PREP: variants seen among roughly 807,000 people sequenced by gnomAD.
PREP encodes prolyl endopeptidase, also known as dJ355L5.1 (prolyl endopeptidase).
PREP carries 29 observed loss-of-function variants against 87.6 expected under a neutral mutation model. The ratio of observed to expected loss-of-function variants is 0.33; its 90% CI spans 0.25 to 0.45. The LOEUF (loss-of-function observed/expected upper bound fraction) is 0.45. PREP is among the 20% of genes least tolerant of loss of function. The probability of loss-of-function intolerance (pLI) is 1.00; values close to 1 mark genes in which losing one functional copy is unlikely to be tolerated. For synonymous variants in PREP, 337 were observed against 328.6 expected, an observed-to-expected ratio of 1.03 and a Z score of -0.28; for missense variants, 695 against 886.5, an observed-to-expected ratio of 0.78 and a Z score of 2.74.
chr6:105,301,352 G>C (rs1047595145), intron 10 of PREP, among the ~76,000 whole-genome samples: 1 of 152,252 alleles, frequency 6.6e-6, no homozygotes, highest in Non-Finnish European at 1.5e-5. Context: ...GAACTGCTCT[G>C]AGTCCACAGG....
chr6:105,289,232 G>A (rs191971354), intron 10 of PREP, among the ~76,000 whole-genome samples: 42 of 152,134 alleles, frequency 2.8e-4, no homozygotes, highest in Non-Finnish European at 7.4e-5. Flanking sequence ...AGGCCTTCCC[G>A]GGGCACACAG....
chr6:105,314,843 C>T (rs1001534366), intron 10 of PREP, among the ~76,000 whole-genome samples: 1 of 152,032 alleles, frequency 6.6e-6, no homozygotes, highest in East Asian at 1.9e-4. Context: ...TTTACTCTGC[C>T]CAGATCCATC....
At chr6:105,373,705 C>T (rs1772616658) in intron 4 of PREP, 127 bp from the exon 5 acceptor site, 1 of 984,248 alleles carries the variant, frequency 1.0e-6, no homozygotes, top group East Asian at 2.6e-5. Flanking sequence ...GAATAGGAAT[C>T]TGGTAGTGAG....
chr6:105,317,506 G>C (rs1770907659), intron 10 of PREP, among the ~76,000 whole-genome samples: 1 of 152,160 alleles, frequency 6.6e-6, no homozygotes, highest in South Asian at 2.1e-4. Flanking sequence ...CATATAACTT[G>C]TCCTGAGGCC....
At chr6:105,396,131 AC>A (rs1425488923) in intron 2 of PREP, among the ~76,000 whole-genome samples, 1 of 152,132 alleles carries the variant, frequency 6.6e-6, no homozygotes, top group Non-Finnish European at 1.5e-5. Flanking sequence ...CACTACTATA[AC>A]CCAGTGCTTC....
At chr6:105,294,502 C>G (rs897162258) in intron 10 of PREP, among the ~76,000 whole-genome samples, 1 of 152,172 alleles carries the variant, frequency 6.6e-6, no homozygotes, top group African/African-American at 2.4e-5. Flanking sequence ...TTAGAGATAC[C>G]TGAATGCCTC....
chr6:105,400,831 C>A (rs1045205497), intron 1 of PREP, among the ~76,000 whole-genome samples: 1 of 152,210 alleles, frequency 6.6e-6, no homozygotes, highest in Non-Finnish European at 1.5e-5. Flanking sequence ...GCTGAAGGTG[C>A]TCAAGTGAAA....
At chr6:105,387,880 C>T (rs1019279607) in intron 2 of PREP, among the ~76,000 whole-genome samples, 7 of 152,198 alleles carry the variant, frequency 4.6e-5, no homozygotes, top group Non-Finnish European at 8.8e-5. Flanking sequence ...AGCTACAAGG[C>T]AAATTCCATG....
intron 2 of PREP, among the ~76,000 whole-genome samples, chr6:105,384,207 G>C (rs187745315): frequency 1.3e-5 from 2 of 152,064 alleles, no homozygotes; most frequent in Admixed American, 1.3e-4. Context: ...GTGAGGCTGC[G>C]GCTCATCTCA....
chr6:105,290,738 G>A (rs1386490441), intron 10 of PREP, among the ~76,000 whole-genome samples: 1 of 152,168 alleles, frequency 6.6e-6, no homozygotes, highest in African/African-American at 2.4e-5. Flanking sequence ...GGCATCCTTG[G>A]AGAAAACCAT....
At chr6:105,279,797 C>A (rs760254705) in intron 14 of PREP, among the ~76,000 whole-genome samples, 4 of 152,130 alleles carry the variant, frequency 2.6e-5, no homozygotes, top group Admixed American at 6.5e-5. Flanking sequence ...ATATTTAGAA[C>A]TTTCTTTGTT....
At chr6:105,342,594 T>A (rs558347380) in intron 7 of PREP, among the ~76,000 whole-genome samples, 2 of 152,254 alleles carry the variant, frequency 1.3e-5, no homozygotes, top group African/African-American at 2.4e-5. Context: ...AGTCAAAATA[T>A]CCCTGTTTGC....
At chr6:105,378,182 G>T (rs1396640809) in intron 2 of PREP, among the ~76,000 whole-genome samples, 1 of 152,252 alleles carries the variant, frequency 6.6e-6, no homozygotes. Flanking sequence ...TTGGAGGCCA[G>T]GTGCAGTGAC....
At chr6:105,294,583 TG>T (rs1770368743) in intron 10 of PREP, among the ~76,000 whole-genome samples, 1 of 152,210 alleles carries the variant, frequency 6.6e-6, no homozygotes, top group South Asian at 2.1e-4. Flanking sequence ...GTGTCTATTA[TG>T]TGCCAGGGAC....
intron 10 of PREP, 151 bp from the exon 11 acceptor site, chr6:105,289,045 T>C: frequency 6.6e-6 from 5 of 755,322 alleles, no homozygotes; most frequent in Middle Eastern, 7.9e-4. Flanking sequence ...GTGAAGCACC[T>C]TTCAGTTTTT....
chr6:105,313,187 G>C (rs945747531), intron 10 of PREP, among the ~76,000 whole-genome samples: 3 of 152,144 alleles, frequency 2.0e-5, no homozygotes, highest in Non-Finnish European at 2.9e-5. Context: ...CTCCTTCACA[G>C]ACCAATGACA....
intron 2 of PREP, among the ~76,000 whole-genome samples, chr6:105,386,425 T>C (rs558004398): frequency 9.9e-5 from 15 of 152,072 alleles, no homozygotes; most frequent in African/African-American, 3.6e-4. Flanking sequence ...AGTCATGAGA[T>C]TTTATGGAGG....
At chr6:105,292,758 T>A (rs185432823) in intron 10 of PREP, among the ~76,000 whole-genome samples, 1 of 152,234 alleles carries the variant, frequency 6.6e-6, no homozygotes, top group Non-Finnish European at 1.5e-5. Flanking sequence ...GTTTAGTGTA[T>A]CCACCTTCAA....
At chr6:105,332,838 C>A (rs963676892) in intron 8 of PREP, among the ~76,000 whole-genome samples, 1 of 152,148 alleles carries the variant, frequency 6.6e-6, no homozygotes. Flanking sequence ...GCAGCAACTG[C>A]GAAGGGTTTC....
Sources: gnomAD v4.1 joint callset for allele counts (sites outside exome capture counted in the v4.1 genomes callset) on GRCh38, gnomAD v4.1.1 for gene constraint, MANE v1.5 for transcripts, NCBI Gene and HGNC (gene_info 2026-07-23, HGNC 2026-07-21) for gene names.